MTERF4: variants seen among roughly 807,000 people sequenced by gnomAD.
MTERF4 encodes transcription termination factor 4, mitochondrial.
A neutral mutation model predicts 22.5 loss-of-function variants in MTERF4; 17 were observed. That is an observed-to-expected ratio of 0.75 (90% CI 0.52 to 1.13). The LOEUF is 1.13. Ranked by LOEUF, MTERF4 falls within the 50% of genes most tolerant of loss-of-function variation. The pLI is 0.00. For missense variants in MTERF4, 420 were observed against 466.8 expected, an observed-to-expected ratio of 0.90 and a Z score of 0.92; for synonymous variants, 165 against 175.3, an observed-to-expected ratio of 0.94 and a Z score of 0.47.
At chr2:241,068,980 C>A (rs1404462699), downstream of MTERF4, 5 of 1,556,636 alleles carry the variant, frequency 3.2e-6, no homozygotes, top group Admixed American at 3.9e-5. The surrounding 1 kb of genome is among the most constrained non-coding windows in gnomAD (Gnocchi z 5.3). Context: ...GAGAGGAGCA[C>A]CCCACAGAGA....
chr2:241,057,909 A>G, the MTERF4 span, among the ~76,000 whole-genome samples: 1 of 152,230 alleles, frequency 6.6e-6, no homozygotes, highest in Non-Finnish European at 1.5e-5. Context: ...AAGACTTGTC[A>G]CTATCCAAAA....
At chr2:241,082,140 G>A, downstream of MTERF4, 2 of 675,332 alleles carry the variant, frequency 3.0e-6, no homozygotes, top group Non-Finnish European at 5.2e-6. Flanking sequence ...CAGACCCCCG[G>A]GCCCTCTCCC....
At chr2:241,069,039 C>G, downstream of MTERF4, 1 of 1,519,482 alleles carries the variant, frequency 6.6e-7, no homozygotes, top group South Asian at 1.2e-5. This position sits in a 1 kb window ranked among gnomAD's most constrained non-coding sequence, Gnocchi z 4.9. Flanking sequence ...TAGAGCAGCG[C>G]GGCCCCCGGC....
At chr2:241,045,274 C>T in the MTERF4 span, among the ~76,000 whole-genome samples, 1 of 152,150 alleles carries the variant, frequency 6.6e-6, no homozygotes, top group African/African-American at 2.4e-5. Context: ...GAGGTCTCAG[C>T]AGAATCTTTT....
the MTERF4 span, among the ~76,000 whole-genome samples, chr2:241,044,795 T>C: frequency 6.6e-6 from 1 of 152,196 alleles, no homozygotes; most frequent in Non-Finnish European, 1.5e-5. Flanking sequence ...TTCCTGTTGT[T>C]TTTCCCTTTG....
chr2:241,052,769 C>T, the MTERF4 span, among the ~76,000 whole-genome samples: 1 of 116,040 alleles, frequency 8.6e-6, no homozygotes, highest in Non-Finnish European at 1.6e-5. Context: ...AAGCAGGGTA[C>T]ATGGGATGCT....
downstream of MTERF4, chr2:241,093,726 T>A (rs1033451951): frequency 5.9e-5 from 9 of 152,312 alleles, no homozygotes; most frequent in Non-Finnish European, 8.8e-5. Flanking sequence ...TAAAAAGACT[T>A]CCTGGTGCTC....
the MTERF4 span, among the ~76,000 whole-genome samples, chr2:241,053,812 C>T: frequency 6.6e-6 from 1 of 152,186 alleles, no homozygotes; most frequent in Non-Finnish European, 1.5e-5. Flanking sequence ...GCTGGGAGTG[C>T]ACAGCCTAGA....
chr2:241,083,349 T>C (rs1255156591), downstream of MTERF4, among the ~76,000 whole-genome samples: 1 of 151,432 alleles, frequency 6.6e-6, no homozygotes, highest in African/African-American at 2.4e-5. Context: ...CTCGGGGCCA[T>C]GGAGACCCAC....
rs1351675420 is a variant in MTERF4, at chr2:241,075,106, A to G, written n.1056T>C. 6.6e-6 allele frequency: 1 copy of G among 152,082 alleles called. No individual in the cohort carries two copies. The highest frequency in any genetic ancestry group is 2.1e-4 in the South Asian group (1 of 4,824). The allele number at this position is 152,082 out of a possible 1,614,324, so 9.4% of individuals were successfully genotyped here. A position where few individuals can be genotyped will look rare whatever the true frequency, so the allele number is the denominator to read the frequency against. ...CGGCTGCGGCTTATTCACACCTACT[A>G]TTGAGCACAGAGTCCACTGAGTGAA... On this transcript the variant is annotated non_coding_transcript_exon_variant, in exon 5 of 5. Transcript: ENST00000464344. The surrounding 1 kb of genome is among the most constrained non-coding windows in gnomAD (Gnocchi z 4.8).
At chr2:241,043,452 C>A in the MTERF4 span, among the ~76,000 whole-genome samples, 4 of 151,770 alleles carry the variant, frequency 2.6e-5, no homozygotes, top group African/African-American at 9.7e-5. Flanking sequence ...GACTTTTTTA[C>A]ACAAACAAAA....
At chr2:241,066,457 G>A in the MTERF4 span, among the ~76,000 whole-genome samples, 5 of 152,190 alleles carry the variant, frequency 3.3e-5, no homozygotes, top group Admixed American at 2.0e-4. Context: ...AGGGGATCTC[G>A]GAACAGGCTG....
chr2:241,063,700 G>A, the MTERF4 span: 1 of 1,592,494 alleles, frequency 6.3e-7, no homozygotes, highest in Non-Finnish European at 8.6e-7. Context: ...CTGTGAGACA[G>A]GTAGGGGCTC....
At chr2:241,101,843 A>G (rs1472795874) in intron 1 of MTERF4, among the ~76,000 whole-genome samples, 1 of 152,228 alleles carries the variant, frequency 6.6e-6, no homozygotes, top group Non-Finnish European at 1.5e-5. Context: ...ACCTGAGGCC[A>G]GAAGTTACAG....
Position 241,096,478 on chromosome 2 carries a change from G to T in MTERF4, c.706-40C>A. 1 of 1,596,600 alleles carries T rather than the reference G, an allele frequency of 6.3e-7. No individual in the cohort carries two copies. Among genetic ancestry groups the T allele is most frequent in the Admixed American group, 1.7e-5 (1 of 59,778 alleles). The stretch of plus-strand genomic sequence containing the variant: ...CACACTTAGGAGTCCCAGATACAGA[G>T]TATTGAAACCTATCATTCTATAAAC... On this transcript the variant is annotated intron_variant, in intron 3 of 3. Coordinates refer to ENST00000391980, the MANE Select transcript of MTERF4 (RefSeq NM_182501.4). The surrounding 1 kb of genome is among the most constrained non-coding windows in gnomAD (Gnocchi z 5.1).
intron 4 of MTERF4, among the ~76,000 whole-genome samples, chr2:241,079,530 A>G (rs952184788): frequency 6.6e-6 from 1 of 150,474 alleles, no homozygotes; most frequent in African/African-American, 2.5e-5. Context: ...AATGAAACTA[A>G]TAAGATGGTT....
chr2:241,087,777 C>G (rs1461739804), downstream of MTERF4: 1 of 1,059,826 alleles, frequency 9.4e-7, no homozygotes, highest in Non-Finnish European at 1.2e-6. Context: ...TACGGACAGC[C>G]CCGAGTATTT....
chr2:241,064,890 C>A, the MTERF4 span: 1 of 1,585,336 alleles, frequency 6.3e-7, no homozygotes, highest in Non-Finnish European at 8.5e-7. This position sits in a 1 kb window ranked among gnomAD's most constrained non-coding sequence, Gnocchi z 7.0. Context: ...GTGGCTATTG[C>A]CTGGCCAGCA....
At chr2:241,081,834 G>C in intron 4 of MTERF4, 1 of 1,434,276 alleles carries the variant, frequency 7.0e-7, no homozygotes, top group Non-Finnish European at 9.6e-7. Flanking sequence ...TTCCAACACA[G>C]CCTGTGCCTC....
Sources: allele counts gnomAD v4.1 joint callset (sites outside exome capture counted in the v4.1 genomes callset), GRCh38; gene constraint gnomAD v4.1.1; non-coding constraint Gnocchi (gnomAD v3.1); transcripts MANE v1.5; gene names NCBI Gene and HGNC (gene_info 2026-07-23, HGNC 2026-07-21).